Variants in MAML3 observed in about 807,000 individuals in gnomAD.
MAML3 encodes mastermind-like protein 3.
A neutral mutation model predicts 101.9 loss-of-function variants in MAML3; 27 were observed. That is an observed-to-expected ratio of 0.27 (90% CI 0.20 to 0.37). The LOEUF (loss-of-function observed/expected upper bound fraction) is 0.37, where lower values mean the gene tolerates loss of function less well. Among genes scored for constraint, MAML3 ranks in the 10% least tolerant of loss-of-function variants. The pLI is 1.00. For synonymous variants in MAML3, 501 were observed against 555.9 expected (o/e 0.90, Z 1.39); for missense variants, 1,316 against 1,444.9 (o/e 0.91, Z 1.45).
At chr4:140,096,989 T>C (rs1425143435) in intron 1 of MAML3, among the ~76,000 whole-genome samples, 2 of 152,180 alleles carry the variant, frequency 1.3e-5, no homozygotes, top group African/African-American at 4.8e-5. Context: ...AGCCATTGCT[T>C]AACTTCATCC....
At chr4:139,756,569 G>A (rs1301430810) in intron 2 of MAML3, among the ~76,000 whole-genome samples, 1 of 152,170 alleles carries the variant, frequency 6.6e-6, no homozygotes, top group Non-Finnish European at 1.5e-5. Context: ...AAGCTGCCTT[G>A]GAGAAGTTGG....
intron 2 of MAML3, among the ~76,000 whole-genome samples, chr4:139,883,087 G>A (rs1024008433): frequency 8.5e-5 from 13 of 152,172 alleles, no homozygotes; most frequent in African/African-American, 1.9e-4. Context: ...GTGGTGAAAC[G>A]TTCCAAGAAT....
chr4:140,072,117 T>C (rs1288550240), intron 1 of MAML3, among the ~76,000 whole-genome samples: 2 of 152,168 alleles, frequency 1.3e-5, no homozygotes, highest in Admixed American at 6.5e-5. Context: ...AAGAAAACCA[T>C]TGATAGGTCT....
In MAML3 at chr4:139,816,401, CCT is replaced by C. The variant is rs199818341; in HGVS notation, c.2079+72954_2079+72955del. Among the ~76,000 whole-genome samples the C allele has an allele frequency of 5.0e-3, 760 of 152,262 alleles. 5 individuals are homozygous for C. Among genetic ancestry groups the C allele is most frequent in the Non-Finnish European group, 7.7e-3 (524 of 68,022 alleles). ...AAAAAGCTGCCTTTTGTAAGAATCC[CCT>C]GATTGTGGGGGATGGGGCCTGCAGA... On this transcript the variant is annotated intron_variant, in intron 2 of 4. Coordinates refer to ENST00000509479, the MANE Select transcript of MAML3 (RefSeq NM_018717.5).
intron 1 of MAML3, among the ~76,000 whole-genome samples, chr4:140,128,897 A>G (rs1235475721): frequency 6.6e-6 from 1 of 152,190 alleles, no homozygotes; most frequent in Non-Finnish European, 1.5e-5. Flanking sequence ...GTGAACCTTC[A>G]AGATTTCCCT....
At chr4:139,938,234 G>T (rs1733542592) in intron 1 of MAML3, among the ~76,000 whole-genome samples, 1 of 152,190 alleles carries the variant, frequency 6.6e-6, no homozygotes, top group Non-Finnish European at 1.5e-5. Context: ...ACTAAGGACT[G>T]GGAGAAAGGA....
At chr4:139,832,484 C>T (rs1006170084) in intron 2 of MAML3, among the ~76,000 whole-genome samples, 1 of 152,022 alleles carries the variant, frequency 6.6e-6, no homozygotes, top group Non-Finnish European at 1.5e-5. Flanking sequence ...GGTGTATTTA[C>T]CATCCGTACC....
At chr4:140,008,995 A>C (rs1165805378) in intron 1 of MAML3, among the ~76,000 whole-genome samples, 1 of 152,252 alleles carries the variant, frequency 6.6e-6, no homozygotes, top group Non-Finnish European at 1.5e-5. Context: ...TAAAAGGGTC[A>C]TCTTTCCCAA....
intron 2 of MAML3, among the ~76,000 whole-genome samples, chr4:139,753,708 T>C (rs28655911): frequency 0.025 from 3,781 of 152,300 alleles, 126 homozygotes; most frequent in East Asian, 0.15. Context: ...TCAAGTCAAA[T>C]AGATGTTAAA....
intron 1 of MAML3, among the ~76,000 whole-genome samples, chr4:140,023,508 C>T (rs910915982): frequency 6.6e-6 from 1 of 152,086 alleles, no homozygotes; most frequent in Admixed American, 6.5e-5. Flanking sequence ...TATGCCCAAG[C>T]GAAGTACTCA....
At chr4:139,815,236 G>T (rs1415071967) in intron 2 of MAML3, among the ~76,000 whole-genome samples, 1 of 152,184 alleles carries the variant, frequency 6.6e-6, no homozygotes, top group Admixed American at 6.5e-5. Context: ...ATAAGGGAAG[G>T]TAAGATCCTG....
At chr4:139,885,258 T>A (rs935101534) in intron 2 of MAML3, among the ~76,000 whole-genome samples, 3 of 151,452 alleles carry the variant, frequency 2.0e-5, no homozygotes, top group African/African-American at 7.3e-5. Flanking sequence ...AAAAAAAAAA[T>A]TAGCCAGGTA....
At position 139,766,351 on chromosome 4, in the gene MAML3, T is replaced by C. The variant is rs139418287; in HGVS notation, c.2080-35684A>G. 7.2e-3 allele frequency among the ~76,000 whole-genome samples: 1,104 copies of C among 152,296 alleles called. 6 individuals are homozygous for C. The highest frequency in any genetic ancestry group is 0.019 in the South Asian group (90 of 4,818). On this transcript the variant is annotated intron_variant, in intron 2 of 4. Coordinates refer to ENST00000509479, the MANE Select transcript of MAML3 (RefSeq NM_018717.5). ...CATGCCCAGCTAATTTTCATATTTT[T>C]AGTAGAGACGGGGTTTCACCATGTT...
chr4:140,002,336 A>G (rs1419838389), intron 1 of MAML3, among the ~76,000 whole-genome samples: 2 of 151,976 alleles, frequency 1.3e-5, no homozygotes, highest in Admixed American at 6.6e-5. Flanking sequence ...GATTCTTCTT[A>G]TTTTTTTCTC....
At chr4:139,792,937 G>A (rs1292610804) in intron 2 of MAML3, among the ~76,000 whole-genome samples, 4 of 151,776 alleles carry the variant, frequency 2.6e-5, no homozygotes, top group Admixed American at 1.3e-4. Flanking sequence ...TAGTAGAGAC[G>A]GGGTTTCACC....
At chr4:139,976,753 T>G in intron 1 of MAML3, among the ~76,000 whole-genome samples, 1 of 152,226 alleles carries the variant, frequency 6.6e-6, no homozygotes, top group East Asian at 1.9e-4. Flanking sequence ...TAAGTTTGAT[T>G]CTATACTTAT....
chr4:139,746,901 G>A (rs984638075), intron 2 of MAML3, among the ~76,000 whole-genome samples: 1 of 152,168 alleles, frequency 6.6e-6, no homozygotes, highest in Non-Finnish European at 1.5e-5. Flanking sequence ...GTGGGAGGGG[G>A]TTGCTGGCGT....
intron 2 of MAML3, among the ~76,000 whole-genome samples, chr4:139,789,288 G>A (rs1363736854): frequency 1.3e-5 from 2 of 152,196 alleles, no homozygotes; most frequent in East Asian, 3.9e-4. Flanking sequence ...AACTCACAGT[G>A]TTCCACGGAA....
At chr4:139,834,460 T>G (rs1319720080) in intron 2 of MAML3, among the ~76,000 whole-genome samples, 1 of 152,186 alleles carries the variant, frequency 6.6e-6, no homozygotes, top group African/African-American at 2.4e-5. Context: ...GGCCTGGGGA[T>G]CCCCGTGGCC....
Sources: allele counts gnomAD v4.1 joint callset (sites outside exome capture counted in the v4.1 genomes callset), GRCh38; gene constraint gnomAD v4.1.1; transcripts MANE v1.5; gene names NCBI Gene and HGNC (gene_info 2026-07-23, HGNC 2026-07-21).